The following FOXN3 variants were observed in gnomAD, a reference collection of about 807,000 sequenced individuals.
FOXN3 encodes forkhead box N3.
Under a neutral mutation model 38.4 loss-of-function variants are expected in FOXN3, and 7 were observed. The observed-to-expected ratio is 0.18, with a 90% CI of 0.10 to 0.34. The LOEUF (loss-of-function observed/expected upper bound fraction) is 0.34. Among genes scored for constraint, FOXN3 ranks in the 10% least tolerant of loss-of-function variants. The probability of loss-of-function intolerance (pLI) is 1.00; values close to 1 mark genes in which losing one functional copy is unlikely to be tolerated. For synonymous variants in FOXN3, 230 were observed against 242.2 expected (o/e 0.95, Z 0.47); for missense variants, 456 against 613.4 (o/e 0.74, Z 2.71).
intron 1 of FOXN3, among the ~76,000 whole-genome samples, chr14:89,586,196 T>C (rs376857181): frequency 3.3e-5 from 5 of 152,090 alleles, no homozygotes; most frequent in African/African-American, 1.2e-4. Flanking sequence ...GCTGAATGAA[T>C]GATAGAATAA....
intron 1 of FOXN3, among the ~76,000 whole-genome samples, chr14:89,453,966 G>T (rs1892669890): frequency 6.6e-6 from 1 of 151,856 alleles, no homozygotes; most frequent in African/African-American, 2.4e-5. Flanking sequence ...AAATCAGATC[G>T]TGAGGGTGGG....
At chr14:89,325,429 C>A (rs1888052658) in intron 3 of FOXN3, among the ~76,000 whole-genome samples, 1 of 151,198 alleles carries the variant, frequency 6.6e-6, no homozygotes, top group Non-Finnish European at 1.5e-5. Flanking sequence ...TCTAACTCTG[C>A]ACTGTATCAT....
chr14:89,468,279 C>A (rs987356683), intron 1 of FOXN3, among the ~76,000 whole-genome samples: 10 of 151,970 alleles, frequency 6.6e-5, no homozygotes, highest in African/African-American at 2.4e-4. Flanking sequence ...CGTGGTGAAA[C>A]CCCGTCTCTA....
intron 1 of FOXN3, among the ~76,000 whole-genome samples, chr14:89,500,443 G>A (rs1893771982): frequency 6.6e-6 from 1 of 152,168 alleles, no homozygotes; most frequent in Non-Finnish European, 1.5e-5. Context: ...GCATGATAGA[G>A]ACTGATGACA....
intron 3 of FOXN3, among the ~76,000 whole-genome samples, chr14:89,307,649 C>T (rs928788892): frequency 3.3e-5 from 5 of 152,166 alleles, no homozygotes; most frequent in East Asian, 1.9e-4. Flanking sequence ...TCTTAAAGCT[C>T]GTTGGCAGCC....
At chr14:89,393,041 G>A (rs987819208) in intron 2 of FOXN3, among the ~76,000 whole-genome samples, 7 of 151,814 alleles carry the variant, frequency 4.6e-5, no homozygotes, top group Admixed American at 2.6e-4. Context: ...TCCTGACCTC[G>A]TGATCCGCCC....
intron 1 of FOXN3, among the ~76,000 whole-genome samples, chr14:89,443,281 T>C (rs1714259157): frequency 6.6e-6 from 1 of 152,216 alleles, no homozygotes; most frequent in African/African-American, 2.4e-5. Context: ...TCCCTTGGTA[T>C]AGCCATATTT....
intron 1 of FOXN3, among the ~76,000 whole-genome samples, chr14:89,428,403 T>C (rs561371739): frequency 3.3e-5 from 5 of 152,266 alleles, no homozygotes; most frequent in African/African-American, 1.2e-4. Context: ...GTCCAGAAAT[T>C]GTGAGACGTG....
At chr14:89,340,213 G>A (rs374312455) in intron 3 of FOXN3, among the ~76,000 whole-genome samples, 2 of 152,120 alleles carry the variant, frequency 1.3e-5, no homozygotes, top group Non-Finnish European at 2.9e-5. Flanking sequence ...TGGTTGGGGC[G>A]TGTGTTCTGA....
At chr14:89,219,867 C>G (rs1163481897) in intron 4 of FOXN3, among the ~76,000 whole-genome samples, 5 of 152,178 alleles carry the variant, frequency 3.3e-5, no homozygotes, top group African/African-American at 9.7e-5. Context: ...CCTGAGATTG[C>G]TGGGATGCAG....
intron 1 of FOXN3, among the ~76,000 whole-genome samples, chr14:89,428,379 T>G (rs1285012087): frequency 6.6e-6 from 1 of 152,118 alleles, no homozygotes; most frequent in Non-Finnish European, 1.5e-5. Context: ...GAGGTTGAGG[T>G]GCAGGCAAAA....
In FOXN3 at chr14:89,311,465, C is replaced by T. The variant is rs560563537; in HGVS notation, c.681-30451G>A. ...CCAGCCTGGGCGACAAGGCGAGACT[C>T]GGCCTCAAAAAAAAAAAAAAAAAAA... On this transcript the variant is annotated intron_variant, in intron 3 of 5. Coordinates refer to ENST00000557258, the MANE Select transcript of FOXN3 (RefSeq NM_005197.4). Among the ~76,000 whole-genome samples, 296 of 99,508 alleles carry T rather than the reference C, an allele frequency of 3.0e-3. 1 individual carries two copies. The highest frequency in any genetic ancestry group is 0.011 in the African/African-American group (281 of 25,592). The allele number at this position is 99,508 out of a possible 152,430, so 65.3% of individuals were successfully genotyped here.
chr14:89,387,678 A>G lies in FOXN3; in HGVS notation c.543+24256T>C, dbSNP rs138233593. Among the ~76,000 whole-genome samples, 60 of 152,366 alleles carry G rather than the reference A, an allele frequency of 3.9e-4. No homozygotes were observed. In the East Asian group the frequency reaches 0.01, roughly 26 times the overall value. ...AAGGGCCAGAGAGAGAGAGAGATTAATAAGATCAGGAGTAGATTCCATTAA... is the reference window on the plus strand; with the variant it reads ...AAGGGCCAGAGAGAGAGAGAGATTAGTAAGATCAGGAGTAGATTCCATTAA... On this transcript the variant is annotated intron_variant, in intron 2 of 5. Coordinates refer to ENST00000557258, the MANE Select transcript of FOXN3 (RefSeq NM_005197.4).
chr14:89,320,792 T>G (rs1481169471), intron 3 of FOXN3, among the ~76,000 whole-genome samples: 1 of 152,074 alleles, frequency 6.6e-6, no homozygotes, highest in Non-Finnish European at 1.5e-5. Context: ...CCAAACAAAA[T>G]ATACCTCCCA....
At chr14:89,333,971 T>C (rs1399442607) in intron 3 of FOXN3, among the ~76,000 whole-genome samples, 15 of 1,054 alleles carry the variant, frequency 0.014, no homozygotes, top group African/African-American at 0.016. Context: ...GGTGTGTATA[T>C]ATATATATAT....
chr14:89,506,132 CGGCCGCCCCT>C (rs1893925104), intron 1 of FOXN3, among the ~76,000 whole-genome samples: 1 of 127,924 alleles, frequency 7.8e-6, no homozygotes, highest in Non-Finnish European at 1.8e-5. Context: ...CGCCTCTGCC[CGGCCGCCCCT>C]ACTGGGAAGT....
chr14:89,461,825 G>T (rs1892854226), intron 1 of FOXN3, among the ~76,000 whole-genome samples: 1 of 152,014 alleles, frequency 6.6e-6, no homozygotes, highest in Non-Finnish European at 1.5e-5. Context: ...GGGAGAAAAG[G>T]GTATTCCAGA....
At position 89,575,935 on chromosome 14, in the gene FOXN3, G is replaced by A. The variant is rs544135197; in HGVS notation, c.-15+43093C>T. ...GGACCAGATGCCTCTATGCCCCACC[G>A]ATAAACTCCTCGCTCTGAAGTTAGG... On this transcript the variant is annotated intron_variant, in intron 1 of 6. Coordinates refer to the FOXN3 transcript ENST00000345097. Among the ~76,000 whole-genome samples the A allele has an allele frequency of 5.9e-5, 9 of 152,264 alleles. No individual in the cohort carries two copies. In the South Asian group the frequency reaches 1.2e-3, roughly 21 times the overall value.
intron 1 of FOXN3, among the ~76,000 whole-genome samples, chr14:89,558,333 G>A (rs539807787): frequency 7.2e-5 from 11 of 152,262 alleles, no homozygotes; most frequent in African/African-American, 2.4e-4. Flanking sequence ...CATGATGACC[G>A]AACCACGAAA....
Sources: allele counts gnomAD v4.1 joint callset (sites outside exome capture counted in the v4.1 genomes callset), GRCh38; gene constraint gnomAD v4.1.1; transcripts MANE v1.5; gene names NCBI Gene and HGNC (gene_info 2026-07-23, HGNC 2026-07-21).